Variants in SOX6 observed in about 807,000 individuals in gnomAD.
SOX6 encodes the protein SRY-box transcription factor 6.
SOX6 carries 11 observed loss-of-function variants against 97.8 expected under a neutral mutation model. The ratio of observed to expected loss-of-function variants is 0.11; its 90% CI spans 0.07 to 0.19. The LOEUF (loss-of-function observed/expected upper bound fraction) is 0.19, where lower values mean the gene tolerates loss of function less well. Ranked by LOEUF, SOX6 falls within the 10% of genes least tolerant of loss-of-function variation. SOX6 has a pLI of 1.00. For missense variants in SOX6, 810 were observed against 1,039.5 expected, an observed-to-expected ratio of 0.78 and a Z score of 3.04; for synonymous variants, 360 against 371.4, an observed-to-expected ratio of 0.97 and a Z score of 0.35.
At chr11:16,181,658 C>T (rs1851351162) in intron 6 of SOX6, among the ~76,000 whole-genome samples, 1 of 151,010 alleles carries the variant, frequency 6.6e-6, no homozygotes, top group Admixed American at 6.6e-5. Flanking sequence ...ACGTGTTTTT[C>T]AGCATTTGAA....
intron 3 of SOX6, among the ~76,000 whole-genome samples, chr11:16,638,575 C>G (rs1034915897): frequency 1.3e-5 from 2 of 152,308 alleles, no homozygotes; most frequent in African/African-American, 4.8e-5. Context: ...TCCTCTCCAG[C>G]ACCTGTTGTT....
Position 16,055,735 on chromosome 11 carries a change from C to T in SOX6, c.1251+17G>A, listed in dbSNP as rs946575279. 1 of 1,613,502 alleles carries T rather than the reference C, an allele frequency of 6.2e-7. No homozygotes were observed. ...TTTTTTCTAAACTGTTTCCACAATG[C>T]TGCAAGGCGAGTGTACCTTAACTTG... On this transcript the variant is annotated intron_variant, in intron 10 of 15. Transcript: ENST00000683767.
At chr11:16,238,423 A>C (rs1341989408) in intron 3 of SOX6, among the ~76,000 whole-genome samples, 1 of 152,094 alleles carries the variant, frequency 6.6e-6, no homozygotes, top group Admixed American at 6.6e-5. Flanking sequence ...TAAGTCAAGA[A>C]TGCTTTATCA....
intron 1 of SOX6, among the ~76,000 whole-genome samples, chr11:16,459,150 A>C (rs946036455): frequency 6.6e-6 from 1 of 152,004 alleles, no homozygotes; most frequent in Admixed American, 6.6e-5. Flanking sequence ...TCCCATCATC[A>C]AAAGTGTAAA....
At chr11:16,085,280 A>G (rs1848553527) in intron 9 of SOX6, among the ~76,000 whole-genome samples, 1 of 152,142 alleles carries the variant, frequency 6.6e-6, no homozygotes, top group Non-Finnish European at 1.5e-5. Context: ...GTTGGGGCAC[A>G]TGCTCCATTC....
Position 16,252,907 on chromosome 11 carries a change from A to G in SOX6, c.446-18236T>C, listed in dbSNP as rs185754298. Among the ~76,000 whole-genome samples the G allele has an allele frequency of 7.4e-4, 112 of 152,328 alleles. 1 individual carries two copies. The highest frequency in any genetic ancestry group is 1.2e-3 in the Non-Finnish European group (82 of 68,022). On this transcript the variant is annotated intron_variant, in intron 3 of 15. Transcript: ENST00000683767. ...CTCACCAAAAACCTGAGATGTAATC[A>G]TAGGACTATGGAATTCTTACCCTTC...
intron 3 of SOX6, among the ~76,000 whole-genome samples, chr11:16,680,129 G>A (rs1026318663): frequency 1.2e-4 from 18 of 152,148 alleles, no homozygotes; most frequent in African/African-American, 2.2e-4. Flanking sequence ...GATACTCCGT[G>A]AGAAGAGCAC....
intron 3 of SOX6, among the ~76,000 whole-genome samples, chr11:16,702,936 T>C (rs1270657496): frequency 6.7e-6 from 1 of 149,228 alleles, no homozygotes; most frequent in South Asian, 2.1e-4. Flanking sequence ...ATATATAAAA[T>C]CCTTCATATG....
intron 1 of SOX6, among the ~76,000 whole-genome samples, chr11:16,395,944 G>C (rs1231560888): frequency 6.6e-6 from 1 of 151,682 alleles, no homozygotes. Context: ...ATTGTTTAAA[G>C]AATTAATGAA....
At chr11:16,697,407 G>C (rs1223380914) in intron 3 of SOX6, among the ~76,000 whole-genome samples, 1 of 152,176 alleles carries the variant, frequency 6.6e-6, no homozygotes, top group Non-Finnish European at 1.5e-5. Context: ...GCCGAGGTGG[G>C]TGGATCACCT....
In SOX6 at chr11:16,111,911, T is replaced by C. The variant is rs376516316; in HGVS notation, c.790A>G (p.Met264Val). Residue 264 changes from methionine to valine, a missense_variant, in exon 7 of 16, where the codon ATG becomes GTG. Met to Val is a conservative substitution (Grantham distance 21). Coordinates refer to ENST00000683767, the MANE Select transcript of SOX6 (RefSeq NM_001367873.1). ...LQQQIQVQGH[M>V]PPLMIPIFPH... ...AAAATTGGGATCATGAGCGGAGGCA[T>C]GTGACCCTGAACCTGCTAAACAGAA... is the stretch of plus-strand genomic sequence containing the variant. 59 of 1,612,130 alleles carry C rather than the reference T, an allele frequency of 3.7e-5. No homozygotes were observed. The highest frequency in any genetic ancestry group is 4.5e-5 in the Non-Finnish European group (53 of 1,179,902).
At chr11:16,552,120 G>T (rs1244863858) in intron 4 of SOX6, among the ~76,000 whole-genome samples, 1 of 151,766 alleles carries the variant, frequency 6.6e-6, no homozygotes, top group Non-Finnish European at 1.5e-5. Context: ...CTATAGTAAT[G>T]CCTAAAATTT....
At chr11:16,051,599 C>T (rs915274682) in intron 10 of SOX6, among the ~76,000 whole-genome samples, 1 of 152,114 alleles carries the variant, frequency 6.6e-6, no homozygotes, top group Non-Finnish European at 1.5e-5. Flanking sequence ...TTTCAATTTA[C>T]TTCCCTTTGC....
intron 3 of SOX6, among the ~76,000 whole-genome samples, chr11:16,258,830 TACAC>T (rs138627095): frequency 6.7e-6 from 1 of 149,702 alleles, no homozygotes; most frequent in Non-Finnish European, 1.5e-5. Flanking sequence ...TACATGTATA[TACAC>T]ACACACACAC....
At chr11:16,535,683 A>G (rs1861297551) in intron 4 of SOX6, among the ~76,000 whole-genome samples, 1 of 152,234 alleles carries the variant, frequency 6.6e-6, no homozygotes, top group African/African-American at 2.4e-5. Flanking sequence ...ACAAAAAAAA[A>G]CAAAAACAAA....
At chr11:16,291,386 T>C (rs142343146) in intron 3 of SOX6, among the ~76,000 whole-genome samples, 432 of 151,348 alleles carry the variant, frequency 2.9e-3, no homozygotes, top group African/African-American at 0.01. Context: ...AATAAATAAA[T>C]AAACAAATAA....
At chr11:16,274,041 T>C (rs912741795) in intron 3 of SOX6, among the ~76,000 whole-genome samples, 9 of 152,020 alleles carry the variant, frequency 5.9e-5, no homozygotes, top group African/African-American at 1.7e-4. Flanking sequence ...TGGGAGAAAG[T>C]GTATAATGCC....
chr11:16,115,926 C>G (rs1349160015), intron 6 of SOX6, among the ~76,000 whole-genome samples: 2 of 152,134 alleles, frequency 1.3e-5, no homozygotes, highest in Non-Finnish European at 2.9e-5. Flanking sequence ...ATACAGAACA[C>G]ACTGATCTCA....
At chr11:16,355,522 T>C (rs528151663) in intron 1 of SOX6, among the ~76,000 whole-genome samples, 4 of 152,204 alleles carry the variant, frequency 2.6e-5, no homozygotes, top group African/African-American at 7.2e-5. Context: ...TGCTTAGTTA[T>C]AGCAGCTTAT....
Sources: allele counts gnomAD v4.1 joint callset (sites outside exome capture counted in the v4.1 genomes callset), GRCh38; gene constraint gnomAD v4.1.1; transcripts MANE v1.5; gene names NCBI Gene and HGNC (gene_info 2026-07-23, HGNC 2026-07-21).